SNAP91: variants seen among roughly 807,000 people sequenced by gnomAD.
SNAP91 encodes synaptosome associated protein 91, also known as clathrin coat assembly protein AP180.
In SNAP91, 27 loss-of-function variants were observed where a neutral mutation model predicts 100.3. The observed-to-expected ratio is 0.27, with a 90% CI of 0.20 to 0.37. The LOEUF is 0.37. Ranked by LOEUF, SNAP91 falls within the 10% of genes least tolerant of loss-of-function variation. SNAP91 has a pLI of 1.00. For synonymous variants in SNAP91, 404 were observed against 398.6 expected (o/e 1.01, Z -0.16); for missense variants, 986 against 1,123.7 (o/e 0.88, Z 1.75).
chr6:83,654,332 C>A (rs139702678), intron 7 of SNAP91, among the ~76,000 whole-genome samples: 6 of 152,250 alleles, frequency 3.9e-5, no homozygotes, highest in African/African-American at 1.4e-4. Flanking sequence ...TCTTGTGGAT[C>A]CCAGAAGAGC....
Position 83,591,282 on chromosome 6 carries a change from C to T in SNAP91, c.1943G>A (p.Ser648Asn). 2 of 1,610,482 alleles carry T rather than the reference C, an allele frequency of 1.2e-6. No homozygotes were observed. The highest frequency in any genetic ancestry group is 1.7e-6 in the Non-Finnish European group (2 of 1,176,796). The change falls in exon 22 of 30, where the codon AGT becomes AAT. Residue 648 changes from serine to asparagine, a missense_variant. Physicochemically the swap from Ser to Asn is conservative, Grantham distance 46. Transcript: ENST00000369694. ...TGCAGGTTGGGGTTCAGAAGCACTA[C>T]TTCCAAATGCATCTATCCGTTATCC... is the stretch of plus-strand genomic sequence containing the variant. ...VIDLFGDAFG[S>N]SASEPQPASQ...
chr6:83,568,287 T>C (rs571895619), intron 26 of SNAP91, among the ~76,000 whole-genome samples: 12 of 151,944 alleles, frequency 7.9e-5, no homozygotes, highest in African/African-American at 1.7e-4. Flanking sequence ...TAGGTGGGAA[T>C]TGAACAATGA....
At chr6:83,561,025 A>G (rs1271998712) in intron 26 of SNAP91, 78 bp from the exon 27 acceptor site, 4 of 926,156 alleles carry the variant, frequency 4.3e-6, no homozygotes, top group Non-Finnish European at 6.4e-6. Context: ...ACAAACAAAA[A>G]GAACAATATA....
intron 14 of SNAP91, among the ~76,000 whole-genome samples, chr6:83,602,569 G>T (rs2095330724): frequency 6.6e-6 from 1 of 152,162 alleles, no homozygotes; most frequent in Admixed American, 6.5e-5. Flanking sequence ...ACACATATCT[G>T]TTACAATTTA....
chr6:83,563,638 G>A lies in SNAP91; in HGVS notation c.2443-2691C>T, dbSNP rs181429158. On this transcript the variant is annotated intron_variant, in intron 26 of 29. Transcript: ENST00000369694. The stretch of plus-strand genomic sequence containing the variant: ...ATCCATATACAACAAAACTGTCAAA[G>A]CTAATAAACATGTTCTTCAAAGTTG... 3.6e-3 allele frequency among the ~76,000 whole-genome samples: 551 copies of A among 152,268 alleles called. 3 individuals are homozygous for A. Among genetic ancestry groups the A allele is most frequent in the African/African-American group, 0.012 (503 of 41,574 alleles).
At chr6:83,611,261 C>T (rs1285507406) in intron 11 of SNAP91, among the ~76,000 whole-genome samples, 1 of 152,042 alleles carries the variant, frequency 6.6e-6, no homozygotes, top group Non-Finnish European at 1.5e-5. Flanking sequence ...AAAATATTCC[C>T]ATCATCCTGT....
intron 24 of SNAP91, among the ~76,000 whole-genome samples, chr6:83,576,918 G>A (rs1054210783): frequency 6.6e-6 from 1 of 152,152 alleles, no homozygotes; most frequent in African/African-American, 2.4e-5. Context: ...GAACATATTA[G>A]TAAAGAAAAC....
Position 83,625,411 on chromosome 6 carries a change from G to A in SNAP91, c.766-2069C>T, listed in dbSNP as rs138207184. Reference sequence around the variant, plus strand: ...TCCCTTTGGGTATACACTCAGTAATGGGACTACTCAGTCAAACAGAAGTTC... The same window carrying A: ...TCCCTTTGGGTATACACTCAGTAATAGGACTACTCAGTCAAACAGAAGTTC... On this transcript the variant is annotated intron_variant, in intron 8 of 29. Coordinates refer to ENST00000369694, the MANE Select transcript of SNAP91 (RefSeq NM_001242792.2). Among the ~76,000 whole-genome samples, 12 of 152,194 alleles carry A rather than the reference G, an allele frequency of 7.9e-5. No homozygotes were observed. In the East Asian group the frequency reaches 2.3e-3, roughly 29 times the overall value.
chr6:83,708,405 T>C (rs1174892406), intron 1 of SNAP91: 1 of 157,142 alleles, frequency 6.4e-6, no homozygotes, highest in Non-Finnish European at 1.4e-5. Flanking sequence ...CTTCGGGGAA[T>C]GCATCGGATA....
At chr6:83,656,512 T>C (rs1048186573) in intron 7 of SNAP91, among the ~76,000 whole-genome samples, 2 of 152,132 alleles carry the variant, frequency 1.3e-5, no homozygotes, top group Non-Finnish European at 1.5e-5. Context: ...GATTAATTCC[T>C]TTTACTAGGG....
At position 83,593,535 on chromosome 6, in the gene SNAP91, T is replaced by C. The variant is rs1395916652; in HGVS notation, c.1639A>G (p.Thr547Ala). Residue 547 changes from threonine to alanine, a missense_variant, in exon 18 of 30, where the codon ACC (threonine) becomes GCC (alanine). By Grantham distance (58) the Thr-to-Ala change is moderately conservative (BLOSUM62 0). Coordinates refer to ENST00000369694, the MANE Select transcript of SNAP91 (RefSeq NM_001242792.2). Reference sequence around the variant, plus strand: ...GTGGCGGTGGCAGCGGAGGTGGTGGTAGTGGTGGTGGCAGCGGCGGTGGCA... The same window carrying C: ...GTGGCGGTGGCAGCGGAGGTGGTGGCAGTGGTGGTGGCAGCGGCGGTGGCA... ...TAATAAATTT[T>A]TTSAATATTA... is the part of the protein sequence containing the mutation. The C allele has an allele frequency of 2.6e-6, 4 of 1,552,502 alleles. No homozygotes were observed. The highest frequency in any genetic ancestry group is 3.9e-5 in the Admixed American group (2 of 51,020).
intron 2 of SNAP91, among the ~76,000 whole-genome samples, chr6:83,691,052 T>C (rs1297227390): frequency 1.3e-5 from 2 of 152,088 alleles, no homozygotes; most frequent in African/African-American, 4.8e-5. Flanking sequence ...AAATAGAGCC[T>C]GGCTAATTGT....
chr6:83,646,543 T>C (rs2097922699), intron 7 of SNAP91, among the ~76,000 whole-genome samples: 1 of 152,196 alleles, frequency 6.6e-6, no homozygotes, highest in African/African-American at 2.4e-5. Flanking sequence ...GGGCTCTCTA[T>C]TCTGTTCCAC....
intron 16 of SNAP91, among the ~76,000 whole-genome samples, chr6:83,598,651 A>C (rs535681968): frequency 6.6e-6 from 1 of 152,278 alleles, no homozygotes; most frequent in Admixed American, 6.5e-5. Context: ...ACAAAACATA[A>C]CTGGTTTTCT....
intron 7 of SNAP91, among the ~76,000 whole-genome samples, chr6:83,646,041 A>G (rs1488499506): frequency 2.6e-5 from 4 of 152,216 alleles, no homozygotes; most frequent in Non-Finnish European, 5.9e-5. Flanking sequence ...TTGGTGAGGT[A>G]TCAAAGTTTT....
Position 83,583,522 on chromosome 6 carries a change from A to G in SNAP91, c.2015-1166T>C, listed in dbSNP as rs542767949. 1.7e-4 allele frequency among the ~76,000 whole-genome samples: 26 copies of G among 152,304 alleles called. No individual in the cohort carries two copies. In the South Asian group the frequency reaches 5.2e-3, roughly 30 times the overall value. Reference sequence around the variant, plus strand: ...AACATTTCTCTCAATCAACAGACAGAAACAGAAGCAGAGATCACTCTGCAT... The same window carrying G: ...AACATTTCTCTCAATCAACAGACAGGAACAGAAGCAGAGATCACTCTGCAT... On this transcript the variant is annotated intron_variant, in intron 22 of 29. Transcript: ENST00000369694.
rs961842256 is a variant in SNAP91 at position 83,605,703 on chromosome 6, C to T, written c.1123G>A (p.Gly375Arg). 2 of 1,552,142 alleles carry T rather than the reference C, an allele frequency of 1.3e-6. No individual in the cohort carries two copies. Among genetic ancestry groups the T allele is most frequent in the Admixed American group, 2.0e-5 (1 of 51,076 alleles). ...TACTCACCTCCCCATGCAGTGGCTC[C>T]TCCAGCAGGTGGTGGTGGTGCTGGT... ...AAPAPPPPAG[G>R]ATAWGDLLGE... The change falls in exon 14 of 30, where the codon GGA becomes AGA. Residue 375 changes from glycine (G) to arginine (R), a missense_variant. By Grantham distance (125) the Gly-to-Arg change is moderately radical. This residue lies in a region of SNAP91 where 575 missense variants were observed against 579.9 expected (regional missense o/e 0.99). Coordinates refer to ENST00000369694, the MANE Select transcript of SNAP91 (RefSeq NM_001242792.2).
chr6:83,601,158 G>C (rs2095165526), intron 16 of SNAP91, 113 bp downstream of exon 16: 1 of 834,364 alleles, frequency 1.2e-6, no homozygotes, highest in South Asian at 1.8e-5. Flanking sequence ...CATTGAAAAA[G>C]TACTTAAACA....
intron 2 of SNAP91, among the ~76,000 whole-genome samples, chr6:83,671,790 T>C (rs1183295483): frequency 6.6e-6 from 1 of 152,114 alleles, no homozygotes; most frequent in Non-Finnish European, 1.5e-5. Context: ...AAATTTGTGG[T>C]CACCTACTTC....
Sources: allele counts gnomAD v4.1 joint callset (sites outside exome capture counted in the v4.1 genomes callset), GRCh38; gene constraint gnomAD v4.1.1; regional missense constraint gnomAD v4.1.1; transcripts MANE v1.5; gene names NCBI Gene and HGNC (gene_info 2026-07-23, HGNC 2026-07-21).